The following COPS7B variants were observed in gnomAD, a reference collection of about 807,000 sequenced individuals.
The protein encoded by COPS7B is COP9 signalosome subunit 7B, also known as COP9 signalosome complex subunit 7b.
A neutral mutation model predicts 33.4 loss-of-function variants in COPS7B; 9 were observed. That is an observed-to-expected ratio of 0.27 (90% confidence interval 0.16 to 0.47). COPS7B has a LOEUF of 0.47. Ranked by LOEUF, COPS7B falls within the 20% of genes least tolerant of loss-of-function variation. COPS7B has a pLI of 0.99. For missense variants in COPS7B, 242 were observed against 318.2 expected (o/e 0.76, Z 1.82); for synonymous variants, 119 against 126.3 (o/e 0.94, Z 0.39).
chr2:231,799,613 G>A (rs193102844), intron 6 of COPS7B, among the ~76,000 whole-genome samples: 21 of 152,260 alleles, frequency 1.4e-4, no homozygotes, highest in East Asian at 5.8e-4. Context: ...CAGCCTTTGC[G>A]TTATGGGCAT....
chr2:231,784,306 A>AT (rs2049190197), upstream of COPS7B, among the ~76,000 whole-genome samples: 1 of 151,370 alleles, frequency 6.6e-6, no homozygotes, highest in Non-Finnish European at 1.5e-5. Flanking sequence ...GTGAGACCCC[A>AT]TCTTTAAAAA....
intron 6 of COPS7B, among the ~76,000 whole-genome samples, chr2:231,806,518 A>G (rs955260048): frequency 3.4e-5 from 5 of 148,550 alleles, no homozygotes; most frequent in African/African-American, 1.3e-4. Flanking sequence ...GTGCCACTAT[A>G]CTCCATCCTG....
upstream of COPS7B, among the ~76,000 whole-genome samples, chr2:231,784,224 G>A (rs2049188406): frequency 6.6e-6 from 1 of 151,838 alleles, no homozygotes; most frequent in African/African-American, 2.4e-5. Flanking sequence ...GCTCACGCCT[G>A]TAATCTCAGC....
At chr2:231,799,126 G>A (rs953771680) in intron 6 of COPS7B, among the ~76,000 whole-genome samples, 162 bp downstream of exon 6, 3 of 152,216 alleles carry the variant, frequency 2.0e-5, no homozygotes, top group South Asian at 4.1e-4. Flanking sequence ...AGTGTGACAC[G>A]GCTCCTGCTC....
intron 3 of COPS7B, chr2:231,792,186 T>C (rs2106319183): frequency 2.2e-6 from 1 of 451,708 alleles, no homozygotes; most frequent in Non-Finnish European, 4.6e-6. Flanking sequence ...ATTTGGAAAA[T>C]AGACTTTTTA....
intron 1 of COPS7B, among the ~76,000 whole-genome samples, chr2:231,787,018 A>G (rs1199577766): frequency 6.6e-6 from 1 of 151,674 alleles, no homozygotes; most frequent in African/African-American, 2.4e-5. Flanking sequence ...ACCTCCTAAC[A>G]TTGGGACTCT....
Position 231,807,778 on chromosome 2 carries a change from T to C in COPS7B, c.*133T>C. The C allele has an allele frequency of 2.7e-6, 2 of 749,084 alleles. No homozygotes were observed. The highest frequency in any genetic ancestry group is 4.2e-6 in the Non-Finnish European group (2 of 478,414). The allele number at this position is 749,084 out of a possible 1,614,324, so 46.4% of individuals were successfully genotyped here. ...TCCCCTCACCAGCGCCTCCCCACCC[T>C]GTTGGTACTGTTCCAGAAAAACTGT... On this transcript the variant is annotated 3_prime_UTR_variant, in exon 7 of 7. Transcript: ENST00000350033.
intron 5 of COPS7B, among the ~76,000 whole-genome samples, chr2:231,798,512 C>T (rs1384369505): frequency 6.6e-6 from 1 of 152,154 alleles, no homozygotes; most frequent in Non-Finnish European, 1.5e-5. Context: ...ACCTCGGCCT[C>T]TCAAAGAGCT....
upstream of COPS7B, chr2:231,781,708 G>A (rs2106295409): frequency 1.2e-6 from 1 of 800,494 alleles, no homozygotes; most frequent in East Asian, 2.7e-5. Context: ...CTGTAACTTA[G>A]ACTCCAGTGT....
chr2:231,782,350 ATATT>A (rs1298447179), upstream of COPS7B, among the ~76,000 whole-genome samples: 8 of 152,238 alleles, frequency 5.3e-5, no homozygotes, highest in East Asian at 1.9e-4. Flanking sequence ...AGGGAGTGTG[ATATT>A]TATTTATTTT....
chr2:231,782,796 T>C (rs568436279), upstream of COPS7B, among the ~76,000 whole-genome samples: 148 of 152,288 alleles, frequency 9.7e-4, no homozygotes, highest in African/African-American at 3.4e-3. Context: ...AGGTGGCATT[T>C]GAACTTGAAT....
chr2:231,798,972 A>G lies in COPS7B; in HGVS notation c.636+8A>G. 6.2e-7 allele frequency: 1 copy of G among 1,609,586 alleles called. No individual in the cohort carries two copies. The highest frequency in any genetic ancestry group is 8.5e-7 in the Non-Finnish European group (1 of 1,176,006). On this transcript the variant is annotated splice_region_variant and intron_variant, in intron 6 of 6. Transcript: ENST00000350033. ...CAGCAGGTAGAAGCAGAGGTAAGGA[A>G]GGAAAGGAACATTTGTTTCTCTCTC... is the stretch of plus-strand genomic sequence containing the variant.
chr2:231,803,414 C>T, intron 6 of COPS7B, among the ~76,000 whole-genome samples: 1 of 152,136 alleles, frequency 6.6e-6, no homozygotes, highest in Middle Eastern at 3.2e-3. Flanking sequence ...AGGAAGGTAC[C>T]TGATCTTGGT....
intron 4 of COPS7B, among the ~76,000 whole-genome samples, chr2:231,795,209 G>A (rs1347448217): frequency 3.3e-5 from 5 of 152,058 alleles, no homozygotes; most frequent in African/African-American, 9.7e-5. Context: ...ATGAGCCACC[G>A]TGCCCGGCCT....
At chr2:231,797,801 TAGG>T (rs1238299778) in intron 5 of COPS7B, among the ~76,000 whole-genome samples, 16 of 152,220 alleles carry the variant, frequency 1.1e-4, no homozygotes, top group East Asian at 7.7e-4. Flanking sequence ...GTGGGGAAAA[TAGG>T]AGGAGGGGTA....
At chr2:231,801,630 C>CTTTT (rs199606465) in intron 6 of COPS7B, among the ~76,000 whole-genome samples, 1 of 131,010 alleles carries the variant, frequency 7.6e-6, no homozygotes, top group Non-Finnish European at 1.6e-5. Flanking sequence ...TTTTTCTTTT[C>CTTTT]TTTTTTTTTT....
Position 231,788,858 on chromosome 2 carries a change from TGGTG to T in COPS7B, c.162+129_162+132del, listed in dbSNP as rs2049327732. ...ACCCTATTGTGAGACAGATGGGAAT[TGGTG>T]GGGCAGAGGGAGAGATTGAGAGAAT... On this transcript the variant is annotated intron_variant, in intron 2 of 6. Coordinates refer to ENST00000350033, the MANE Select transcript of COPS7B (RefSeq NM_022730.4). The T allele has an allele frequency of 3.7e-6, 3 of 802,976 alleles. No individual in the cohort carries two copies. The East Asian group carries it at 7.7e-5, about 21-fold the overall frequency. The allele number at this position is 802,976 out of a possible 1,614,324, so 49.7% of individuals were successfully genotyped here.
chr2:231,785,401 A>G (rs1448714701), upstream of COPS7B, among the ~76,000 whole-genome samples: 1 of 152,188 alleles, frequency 6.6e-6, no homozygotes, highest in Non-Finnish European at 1.5e-5. Flanking sequence ...TATGCTGCAC[A>G]GTGCGAGCCT....
Position 231,796,222 on chromosome 2 carries a change from A to G in COPS7B, c.444A>G (p.Arg148=), listed in dbSNP as rs371688562. The G allele has an allele frequency of 1.9e-5, 31 of 1,614,100 alleles. No individual in the cohort carries two copies. The highest frequency in any genetic ancestry group is 2.5e-5 in the Non-Finnish European group (30 of 1,180,050). ...TCATCCAGGGCAAGCTGGACCAGCG[A>G]AACCAGCTGCTGGAAGTGGATTTCT... ...TDIIQGKLDQ[R]NQLLEVDFCI... Residue 148 remains arginine (R), a synonymous_variant, in exon 5 of 7, where the codon CGA becomes CGG. Transcript: ENST00000350033.
Sources: gnomAD v4.1 joint callset for allele counts (sites outside exome capture counted in the v4.1 genomes callset) on GRCh38, gnomAD v4.1.1 for gene constraint, MANE v1.5 for transcripts, NCBI Gene and HGNC (gene_info 2026-07-23, HGNC 2026-07-21) for gene names.